The following ATP8A2 variants were observed in gnomAD, a reference collection of about 807,000 sequenced individuals.
ATP8A2 encodes ATPase phospholipid transporting 8A2, also known as phospholipid-transporting ATPase IB.
Under a neutral mutation model 165.6 loss-of-function variants are expected in ATP8A2, and 100 were observed. That is an observed-to-expected ratio of 0.60 (90% CI 0.51 to 0.71). The LOEUF (loss-of-function observed/expected upper bound fraction) is 0.71. Ranked by LOEUF, ATP8A2 falls within the 30% of genes least tolerant of loss-of-function variation. The pLI is 0.00. For missense variants in ATP8A2, 1,227 were observed against 1,479.5 expected (o/e 0.83, Z 2.80); for synonymous variants, 543 against 548.8 (o/e 0.99, Z 0.15).
intron 27 of ATP8A2, among the ~76,000 whole-genome samples, chr13:25,781,397 C>T (rs1214318539): frequency 6.6e-6 from 1 of 152,022 alleles, no homozygotes; most frequent in African/African-American, 2.4e-5. Context: ...TGCTGTTTTA[C>T]AGCTTTATTT....
intron 1 of ATP8A2, among the ~76,000 whole-genome samples, chr13:25,418,279 A>G (rs2034193567): frequency 6.6e-6 from 1 of 152,204 alleles, no homozygotes; most frequent in African/African-American, 2.4e-5. Context: ...GAAAGGCTCT[A>G]TGTTAAAGCA....
intron 33 of ATP8A2, among the ~76,000 whole-genome samples, chr13:25,903,394 C>T (rs556973195): frequency 3.3e-5 from 5 of 152,252 alleles, no homozygotes; most frequent in Admixed American, 3.3e-4. Context: ...TCTCACATGT[C>T]ACTTCCCACT....
At chr13:25,508,576 A>G (rs1395368679) in intron 2 of ATP8A2, among the ~76,000 whole-genome samples, 5 of 152,238 alleles carry the variant, frequency 3.3e-5, no homozygotes, top group Admixed American at 3.3e-4. Context: ...ATAATGTCTC[A>G]TACTTGTGGA....
At chr13:25,412,063 T>A (rs1016118019) in intron 1 of ATP8A2, among the ~76,000 whole-genome samples, 5 of 152,190 alleles carry the variant, frequency 3.3e-5, no homozygotes, top group Non-Finnish European at 7.3e-5. Flanking sequence ...ATAGTCTGGA[T>A]GAAAATACAG....
chr13:25,656,080 T>C (rs2041920689), intron 24 of ATP8A2, among the ~76,000 whole-genome samples: 1 of 152,176 alleles, frequency 6.6e-6, no homozygotes, highest in African/African-American at 2.4e-5. Flanking sequence ...CTGTGTAACC[T>C]TGGACCCATC....
At chr13:25,432,057 G>A (rs1329804305) in intron 1 of ATP8A2, among the ~76,000 whole-genome samples, 1 of 152,206 alleles carries the variant, frequency 6.6e-6, no homozygotes, top group Non-Finnish European at 1.5e-5. Flanking sequence ...GTAGTAGCTT[G>A]AATTAGAACC....
intron 6 of ATP8A2, among the ~76,000 whole-genome samples, chr13:25,533,877 A>G (rs2038195145): frequency 6.6e-6 from 1 of 152,218 alleles, no homozygotes; most frequent in Non-Finnish European, 1.5e-5. Context: ...CTGCCATACC[A>G]TCTAGGTATT....
At chr13:25,533,063 G>T (rs1354359950) in intron 5 of ATP8A2, among the ~76,000 whole-genome samples, 2 of 151,960 alleles carry the variant, frequency 1.3e-5, no homozygotes, top group Non-Finnish European at 2.9e-5. Flanking sequence ...ACATTTATGT[G>T]TATGCATGAA....
intron 30 of ATP8A2, among the ~76,000 whole-genome samples, chr13:25,842,470 G>C (rs988577349): frequency 6.6e-6 from 1 of 152,050 alleles, no homozygotes; most frequent in Admixed American, 6.6e-5. Context: ...ACATCAGTTC[G>C]AGACCAGCCT....
intron 33 of ATP8A2, chr13:25,868,232 G>T: frequency 2.5e-6 from 1 of 396,272 alleles, no homozygotes; most frequent in South Asian, 1.8e-5. Flanking sequence ...TAAGGAGCTG[G>T]TAAAAATTAC....
chr13:25,428,418 G>A (rs1387523399), intron 1 of ATP8A2, among the ~76,000 whole-genome samples: 3 of 152,130 alleles, frequency 2.0e-5, no homozygotes, highest in Non-Finnish European at 4.4e-5. Context: ...TGCTGGGTTC[G>A]AGGATGAGCC....
rs768794245 is a variant in ATP8A2 at position 25,372,172 on chromosome 13, C to G, written c.-41C>G. ...TGCGCCCAGCCCTGCGCGTAGCCTC[C>G]GTCTCTCGCCCGGGGCCGCCGAGCC... On this transcript the variant is annotated 5_prime_UTR_variant, in exon 1 of 37. Coordinates refer to ENST00000381655, the MANE Select transcript of ATP8A2 (RefSeq NM_016529.6). The surrounding 1 kb of genome is among the most constrained non-coding windows in gnomAD (Gnocchi z 4.8). 1.5e-6 allele frequency: 2 copies of G among 1,376,636 alleles called. No individual in the cohort carries two copies. Among genetic ancestry groups the G allele is most frequent in the South Asian group, 3.0e-5 (2 of 65,646 alleles). The allele number at this position is 1,376,636 out of a possible 1,614,324, so 85.3% of individuals were successfully genotyped here.
intron 36 of ATP8A2, among the ~76,000 whole-genome samples, chr13:26,015,840 A>G (rs559153653): frequency 5.3e-5 from 8 of 152,224 alleles, no homozygotes; most frequent in Non-Finnish European, 1.0e-4. Flanking sequence ...ACTTCCTGAA[A>G]CATGAGTGAA....
chr13:25,658,108 G>C (rs1327661482), intron 24 of ATP8A2, among the ~76,000 whole-genome samples: 2 of 152,092 alleles, frequency 1.3e-5, no homozygotes, highest in East Asian at 1.9e-4. Flanking sequence ...TGGTAGGGAC[G>C]TGCACACTCT....
intron 24 of ATP8A2, among the ~76,000 whole-genome samples, chr13:25,619,626 G>A (rs1373470809): frequency 1.3e-5 from 2 of 152,008 alleles, no homozygotes; most frequent in Non-Finnish European, 1.5e-5. Context: ...TAGAACTTCT[G>A]GAAATGAAAA....
chr13:26,004,154 A>G (rs1027523099), intron 35 of ATP8A2, among the ~76,000 whole-genome samples: 4 of 152,122 alleles, frequency 2.6e-5, no homozygotes, highest in African/African-American at 9.6e-5. Flanking sequence ...GTTCATGAGC[A>G]TAGCATCCCA....
Position 25,530,677 on chromosome 13 carries a change from G to T in ATP8A2, c.420+17G>T. ...GAAGATTTTGTAAGTTTTTGCTTTTGGATAATAAAATCATTGTATGCAGTA... is the reference window on the plus strand; with the variant it reads ...GAAGATTTTGTAAGTTTTTGCTTTTTGATAATAAAATCATTGTATGCAGTA... On this transcript the variant is annotated intron_variant, in intron 4 of 36. Coordinates refer to ENST00000381655, the MANE Select transcript of ATP8A2 (RefSeq NM_016529.6). The T allele has an allele frequency of 6.9e-7, 1 of 1,452,762 alleles. No homozygotes were observed. The highest frequency in any genetic ancestry group is 1.2e-5 in the South Asian group (1 of 83,388). The allele number at this position is 1,452,762 out of a possible 1,614,324, so 90.0% of individuals were successfully genotyped here.
rs67458818 is a variant in ATP8A2, at chr13:25,704,337, C to CTTTTTTT, written c.2384+5002_2384+5008dup. On this transcript the variant is annotated intron_variant, in intron 25 of 36. Transcript: ENST00000381655. ...TCTGTACATCCAACCACATCTAGGA[C>CTTTTTTT]TTTTTTTTTTTTTTTTGAGGCAGTC... is the stretch of plus-strand genomic sequence containing the variant. Among the ~76,000 whole-genome samples, 205 of 137,664 alleles carry CTTTTTTT rather than the reference C, an allele frequency of 1.5e-3. 1 individual carries two copies. Among genetic ancestry groups the CTTTTTTT allele is most frequent in the African/African-American group, 4.6e-3 (172 of 37,474 alleles). The allele number at this position is 137,664 out of a possible 152,430, so 90.3% of individuals were successfully genotyped here.
chr13:25,854,976 C>A (rs1408014978), intron 30 of ATP8A2, among the ~76,000 whole-genome samples: 1 of 152,148 alleles, frequency 6.6e-6, no homozygotes, highest in Admixed American at 6.5e-5. Flanking sequence ...CCTGGCCGGG[C>A]ACGGTGGCTC....
Sources: gnomAD v4.1 joint callset for allele counts (sites outside exome capture counted in the v4.1 genomes callset) on GRCh38, gnomAD v4.1.1 for gene constraint, Gnocchi (gnomAD v3.1) non-coding constraint, MANE v1.5 for transcripts, NCBI Gene and HGNC (gene_info 2026-07-23, HGNC 2026-07-21) for gene names.